Variants in MAK observed in about 807,000 individuals in gnomAD.
The protein encoded by MAK is serine/threonine-protein kinase MAK.
Under a neutral mutation model 82.6 loss-of-function variants are expected in MAK, and 65 were observed. That is an observed-to-expected ratio of 0.79 (90% CI 0.64 to 0.97). The LOEUF (loss-of-function observed/expected upper bound fraction) is 0.97, where lower values mean the gene tolerates loss of function less well. Among genes scored for constraint, MAK ranks in the 50% least tolerant of loss-of-function variants. The pLI, the probability that MAK is intolerant of heterozygous loss-of-function variation, is 0.00. For missense variants in MAK, 703 were observed against 780.2 expected, an observed-to-expected ratio of 0.90 and a Z score of 1.18; for synonymous variants, 250 against 274.2, an observed-to-expected ratio of 0.91 and a Z score of 0.87.
At position 10,775,313 on chromosome 6, in the gene MAK, G is replaced by A. The variant is rs773395302; in HGVS notation, c.1597+15C>T. The A allele has an allele frequency of 6.2e-7, 1 of 1,611,750 alleles. No individual in the cohort carries two copies. The highest frequency in any genetic ancestry group is 1.1e-5 in the South Asian group (1 of 90,994). On this transcript the variant is annotated intron_variant, in intron 12 of 14. Coordinates refer to ENST00000354489, the MANE Select transcript of MAK (RefSeq NM_001242957.3). ...GGAAAACCCCGTACATGTACATTTT[G>A]TATTCTTGCGTTACCTGCATTGCTC...
chr6:10,802,398 C>T (rs986696609), intron 7 of MAK: 6 of 229,156 alleles, frequency 2.6e-5, no homozygotes, highest in East Asian at 1.2e-4. Context: ...CTCACCCTCC[C>T]GGGCTCAAAA....
intron 2 of MAK, among the ~76,000 whole-genome samples, chr6:10,823,852 G>A (rs900715825): frequency 1.3e-5 from 2 of 152,012 alleles, no homozygotes; most frequent in South Asian, 2.1e-4. Flanking sequence ...TTAATTTTAG[G>A]GGAAAAGTAT....
chr6:10,810,394 T>C (rs1046723380), intron 5 of MAK, among the ~76,000 whole-genome samples: 4 of 148,108 alleles, frequency 2.7e-5, no homozygotes, highest in African/African-American at 1.0e-4. Flanking sequence ...CTCTGGAGTG[T>C]AGTGGCGCAA....
intron 10 of MAK, among the ~76,000 whole-genome samples, chr6:10,785,095 C>A (rs1402635769): frequency 6.6e-6 from 1 of 152,176 alleles, no homozygotes; most frequent in Non-Finnish European, 1.5e-5. Flanking sequence ...TCAGCCAGAA[C>A]AGACTTGTGC....
chr6:10,773,690 A>ATTTTTT (rs34702806), intron 12 of MAK, among the ~76,000 whole-genome samples: 3 of 136,766 alleles, frequency 2.2e-5, no homozygotes, highest in Non-Finnish European at 4.8e-5. Context: ...ACTATTAGTG[A>ATTTTTT]TTTTTTTTTT....
At chr6:10,799,673 G>A (rs1775858850) in intron 8 of MAK, among the ~76,000 whole-genome samples, 1 of 152,060 alleles carries the variant, frequency 6.6e-6, no homozygotes, top group South Asian at 2.1e-4. Flanking sequence ...GTTCATGCCT[G>A]TAATCCCAGC....
rs1030118325 is a variant in MAK, at chr6:10,769,528, AG to A, written c.1792+582del. 7.9e-5 allele frequency among the ~76,000 whole-genome samples: 12 copies of A among 152,238 alleles called. No homozygotes were observed. The South Asian group carries it at 8.3e-4, about 10-fold the overall frequency. ...TGAATACTATTGCAAAGCAAAAGGC[AG>A]GGTGTGAAAGTCCTGCCACCGCTAA... On this transcript the variant is annotated intron_variant, in intron 14 of 14. Coordinates refer to ENST00000354489, the MANE Select transcript of MAK (RefSeq NM_001242957.3).
chr6:10,836,709 GAATA>G (rs1177672318), intron 1 of MAK, among the ~76,000 whole-genome samples: 5 of 152,112 alleles, frequency 3.3e-5, no homozygotes, highest in Admixed American at 1.3e-4. Context: ...TTATGTACAT[GAATA>G]TATATAGATA....
In MAK at chr6:10,797,759, G is replaced by C. The variant is rs948486240; in HGVS notation, c.832-1450C>G. 1.6e-5 allele frequency: 20 copies of C among 1,229,654 alleles called. 1 individual carries two copies. The highest frequency in any genetic ancestry group is 2.3e-4 in the Middle Eastern group (1 of 4,398). The allele number at this position is 1,229,654 out of a possible 1,614,324, so 76.2% of individuals were successfully genotyped here. A position where few individuals can be genotyped will look rare whatever the true frequency, so the allele number is the denominator to read the frequency against. On this transcript the variant is annotated intron_variant, in intron 8 of 14. Transcript: ENST00000354489. ...AACAGTTAACTCCTCCCATGTGTAA[G>C]GGCAGTTTTTAGAGGAACAGAAGGC...
intron 2 of MAK, among the ~76,000 whole-genome samples, chr6:10,829,745 A>G (rs1199691886): frequency 2.0e-5 from 3 of 152,192 alleles, no homozygotes; most frequent in Non-Finnish European, 4.4e-5. Flanking sequence ...AAAACAGCAG[A>G]ATTCCTCTTT....
In MAK at chr6:10,800,103, C is replaced by CA. The variant is rs1033495285; in HGVS notation, c.831+1788dup. Among the ~76,000 whole-genome samples, 18 of 150,974 alleles carry CA rather than the reference C, an allele frequency of 1.2e-4. No individual in the cohort carries two copies. Among genetic ancestry groups the CA allele is most frequent in the African/African-American group, 4.4e-4 (18 of 41,110 alleles). On this transcript the variant is annotated intron_variant, in intron 8 of 14. Transcript: ENST00000354489. This position sits in a 1 kb window ranked among gnomAD's most constrained non-coding sequence, Gnocchi z 4.2. ...AACAAAAAAACCCCTCTGGTCTCTA[C>CA]AAAAATACAAAAATAAGCCAAGCGT...
intron 1 of MAK, among the ~76,000 whole-genome samples, chr6:10,832,776 G>C (rs925758369): frequency 2.0e-5 from 3 of 152,148 alleles, no homozygotes; most frequent in Non-Finnish European, 2.9e-5. Context: ...TGGGATTACA[G>C]GTGTGAGCTA....
At chr6:10,829,537 G>A (rs1366355168) in intron 2 of MAK, among the ~76,000 whole-genome samples, 1 of 152,158 alleles carries the variant, frequency 6.6e-6, no homozygotes, top group Non-Finnish European at 1.5e-5. Flanking sequence ...CTGCACGCCA[G>A]CCTGGGCAAC....
chr6:10,833,097 T>C (rs1218556900), intron 1 of MAK, among the ~76,000 whole-genome samples: 1 of 152,174 alleles, frequency 6.6e-6, no homozygotes, highest in African/African-American at 2.4e-5. Context: ...TAGAAATTGC[T>C]CCTCTATTAT....
intron 8 of MAK, among the ~76,000 whole-genome samples, chr6:10,797,005 G>A (rs1015672002): frequency 1.3e-5 from 2 of 152,030 alleles, no homozygotes; most frequent in Admixed American, 6.6e-5. Context: ...TACACTCAAA[G>A]ACATTAAAAA....
chr6:10,791,508 CA>C (rs1359452463), intron 10 of MAK, among the ~76,000 whole-genome samples, 166 bp downstream of exon 10: 6 of 152,154 alleles, frequency 3.9e-5, no homozygotes, highest in Non-Finnish European at 8.8e-5. Context: ...CTCAAGTGAT[CA>C]ACCTGCCTCG....
At chr6:10,808,306 G>A (rs890754973) in intron 6 of MAK, among the ~76,000 whole-genome samples, 8 of 152,158 alleles carry the variant, frequency 5.3e-5, no homozygotes, top group African/African-American at 1.9e-4. Context: ...TGCAGTCATA[G>A]ACCCTTCGTT....
chr6:10,784,617 G>A (rs2127533001), intron 10 of MAK, 45 bp from the exon 11 acceptor site: 7 of 1,220,584 alleles, frequency 5.7e-6, no homozygotes, highest in Non-Finnish European at 7.8e-6. Flanking sequence ...AACAACGAGA[G>A]GATCTCGCCC....
At chr6:10,837,186 A>C (rs1183572700) in intron 1 of MAK, among the ~76,000 whole-genome samples, 1 of 152,238 alleles carries the variant, frequency 6.6e-6, no homozygotes, top group Non-Finnish European at 1.5e-5. Context: ...AATACACAAC[A>C]AAAGAGTAAT....
Sources: allele counts gnomAD v4.1 joint callset (sites outside exome capture counted in the v4.1 genomes callset), GRCh38; gene constraint gnomAD v4.1.1; non-coding constraint Gnocchi (gnomAD v3.1); transcripts MANE v1.5; gene names NCBI Gene and HGNC (gene_info 2026-07-23, HGNC 2026-07-21).